SV2C: variants seen among roughly 807,000 people sequenced by gnomAD.
SV2C encodes the protein synaptic vesicle glycoprotein 2C.
SV2C carries 49 observed loss-of-function variants against 79.7 expected under a neutral mutation model. The ratio of observed to expected loss-of-function variants is 0.61; its 90% CI spans 0.49 to 0.78. SV2C has a LOEUF of 0.78. SV2C is among the 30% of genes least tolerant of loss of function. The pLI is 0.00. For missense variants in SV2C, 833 were observed against 912.9 expected, an observed-to-expected ratio of 0.91 and a Z score of 1.13; for synonymous variants, 334 against 333.2, an observed-to-expected ratio of 1.00 and a Z score of -0.03.
the SV2C span, among the ~76,000 whole-genome samples, chr5:75,901,069 CCTT>C: frequency 6.6e-6 from 1 of 152,206 alleles, no homozygotes; most frequent in Non-Finnish European, 1.5e-5. Context: ...TCATCTGAAG[CCTT>C]CTTCTCTCAG....
At chr5:76,125,663 G>T (rs955163999) in intron 1 of SV2C, among the ~76,000 whole-genome samples, 1 of 152,132 alleles carries the variant, frequency 6.6e-6, no homozygotes, top group Non-Finnish European at 1.5e-5. Flanking sequence ...AGGACCACAA[G>T]GTGCAGATTG....
chr5:76,195,171 T>C (rs915732407), intron 3 of SV2C, 72 bp downstream of exon 3: 7 of 1,500,696 alleles, frequency 4.7e-6, no homozygotes, highest in Middle Eastern at 1.8e-4. Context: ...GAGAACCTTA[T>C]TGGGAGGAAA....
intron 1 of SV2C, 65 bp from the exon 2 acceptor site, chr5:76,131,585 T>C: frequency 2.2e-6 from 1 of 446,046 alleles, no homozygotes; most frequent in Non-Finnish European, 3.8e-6. Context: ...GGTCAAGAAA[T>C]AGACGGTAAA....
intron 6 of SV2C, among the ~76,000 whole-genome samples, chr5:76,290,577 C>A (rs2112504058): frequency 6.6e-6 from 1 of 152,306 alleles, no homozygotes; most frequent in South Asian, 2.1e-4. Context: ...CTAACTGAGT[C>A]ATAGATGCTG....
At chr5:76,012,404 C>T in the SV2C span, among the ~76,000 whole-genome samples, 6 of 152,164 alleles carry the variant, frequency 3.9e-5, no homozygotes, top group Non-Finnish European at 8.8e-5. Context: ...ACACAAATGT[C>T]TTCTTTTGAG....
chr5:76,328,660 C>T lies in SV2C; in HGVS notation c.*3113C>T, dbSNP rs1199014464. On this transcript the variant is annotated 3_prime_UTR_variant, in exon 13 of 13. Coordinates refer to ENST00000502798, the MANE Select transcript of SV2C (RefSeq NM_014979.4). ...GTTGAACATCTCTAGTTCTCACTTTCCCCGTGCACAAAATAAAGGATTGGG... is the reference window on the plus strand; with the variant it reads ...GTTGAACATCTCTAGTTCTCACTTTTCCCGTGCACAAAATAAAGGATTGGG... The T allele has an allele frequency of 6.6e-6, 1 of 152,240 alleles. No individual in the cohort carries two copies. The highest frequency in any genetic ancestry group is 2.4e-5 in the African/African-American group (1 of 41,452). 9.4% of individuals were successfully genotyped at this position (152,240 alleles called of 1,614,324 possible). A position where few individuals can be genotyped will look rare whatever the true frequency, so the allele number is the denominator to read the frequency against.
chr5:75,897,023 G>C, the SV2C span, among the ~76,000 whole-genome samples: 2 of 145,356 alleles, frequency 1.4e-5, no homozygotes, highest in African/African-American at 5.7e-5. Context: ...TAGGTTGCCT[G>C]TTCACTCTGA....
At chr5:76,073,501 G>GTGTATA in the SV2C span, among the ~76,000 whole-genome samples, 1 of 87,230 alleles carries the variant, frequency 1.1e-5, no homozygotes, top group Non-Finnish European at 2.3e-5. Flanking sequence ...ATGTATGTGT[G>GTGTATA]TGTATATATA....
intron 2 of SV2C, among the ~76,000 whole-genome samples, chr5:76,143,172 G>T (rs532752987): frequency 1.3e-5 from 2 of 152,208 alleles, no homozygotes; most frequent in South Asian, 4.2e-4. Context: ...GGGATTACAG[G>T]TGTGAGCCAC....
chr5:76,060,273 T>C, the SV2C span, among the ~76,000 whole-genome samples: 6 of 152,230 alleles, frequency 3.9e-5, no homozygotes, highest in East Asian at 5.8e-4. Context: ...TGACTTCACC[T>C]TTCTAACTGG....
intron 2 of SV2C, among the ~76,000 whole-genome samples, chr5:76,164,190 A>G (rs1742976693): frequency 6.6e-6 from 1 of 152,200 alleles, no homozygotes; most frequent in Admixed American, 6.5e-5. Context: ...TCATATGAAA[A>G]CAATTCTTTA....
the SV2C span, among the ~76,000 whole-genome samples, chr5:75,866,365 C>G: frequency 0.013 from 2,027 of 152,298 alleles, 14 homozygotes; most frequent in Non-Finnish European, 0.021. Context: ...TGGGTACTTA[C>G]AGTGTTCTGG....
At chr5:76,288,662 C>A (rs956777209) in intron 6 of SV2C, among the ~76,000 whole-genome samples, 5 of 152,096 alleles carry the variant, frequency 3.3e-5, no homozygotes, top group African/African-American at 1.2e-4. Flanking sequence ...GGTTGAGTTA[C>A]CAAGTCCACT....
At chr5:76,223,502 T>C (rs76740299) in intron 4 of SV2C, among the ~76,000 whole-genome samples, 32,011 of 113,910 alleles carry the variant, frequency 0.28, 8,388 homozygotes, top group African/African-American at 0.67. Flanking sequence ...TATATGTATA[T>C]GTATATAAAG....
the SV2C span, among the ~76,000 whole-genome samples, chr5:75,879,302 A>G: frequency 6.6e-6 from 1 of 152,312 alleles, no homozygotes; most frequent in African/African-American, 2.4e-5. Context: ...TCATTCCAAC[A>G]TCAAGTCCAA....
At chr5:76,294,504 G>A (rs1208719998) in intron 8 of SV2C, among the ~76,000 whole-genome samples, 2 of 152,078 alleles carry the variant, frequency 1.3e-5, no homozygotes, top group Non-Finnish European at 2.9e-5. Flanking sequence ...GTTTCACCAT[G>A]TTGACCAGGC....
At chr5:76,101,896 G>A (rs572341008) in intron 1 of SV2C, among the ~76,000 whole-genome samples, 1 of 152,262 alleles carries the variant, frequency 6.6e-6, no homozygotes, top group Admixed American at 6.5e-5. Flanking sequence ...AGGGGAAGAG[G>A]AAAGAAGGCA....
At chr5:76,182,942 A>T (rs7444264) in intron 2 of SV2C, among the ~76,000 whole-genome samples, 927 of 13,346 alleles carry the variant, frequency 0.069, 6 homozygotes, top group Middle Eastern at 0.13. Context: ...TGTGTATGTG[A>T]GAGAGAGAGA....
chr5:76,259,060 A>G (rs1460389613), intron 4 of SV2C, among the ~76,000 whole-genome samples: 1 of 152,186 alleles, frequency 6.6e-6, no homozygotes, highest in East Asian at 1.9e-4. Flanking sequence ...ATTGGGGGAC[A>G]TTTGGGTTGT....
Sources: allele counts gnomAD v4.1 joint callset (sites outside exome capture counted in the v4.1 genomes callset), GRCh38; gene constraint gnomAD v4.1.1; transcripts MANE v1.5; gene names NCBI Gene and HGNC (gene_info 2026-07-23, HGNC 2026-07-21).